Variants in PIEZO2 observed in about 807,000 individuals in gnomAD.
The protein encoded by PIEZO2 is piezo type mechanosensitive ion channel component 2.
In PIEZO2, 172 loss-of-function variants were observed where a neutral mutation model predicts 337.3. That is an observed-to-expected ratio of 0.51 (90% confidence interval 0.45 to 0.58). The LOEUF (loss-of-function observed/expected upper bound fraction) is 0.58. Ranked by LOEUF, PIEZO2 falls within the 20% of genes least tolerant of loss-of-function variation. The pLI, the probability that PIEZO2 is intolerant of heterozygous loss-of-function variation, is 0.00. For missense variants in PIEZO2, 3,028 were observed against 3,391.3 expected (o/e 0.89, Z 2.66); for synonymous variants, 1,251 against 1,228.5 (o/e 1.02, Z -0.38).
chr18:10,766,989 C>T lies in PIEZO2; in HGVS notation c.2946+3159G>A, dbSNP rs548224747. 1.9e-3 allele frequency among the ~76,000 whole-genome samples: 285 copies of T among 147,836 alleles called. No homozygotes were observed. The highest frequency in any genetic ancestry group is 6.8e-3 in the African/African-American group (274 of 40,300). Reference sequence around the variant, plus strand: ...CCTTCCTTCCTCCCACCTTCCATTCCCTCCCCTCCCCTCCCCTCCCCTTCC... The same window carrying T: ...CCTTCCTTCCTCCCACCTTCCATTCTCTCCCCTCCCCTCCCCTCCCCTTCC... On this transcript the variant is annotated intron_variant, in intron 21 of 55. Transcript: ENST00000674853. The surrounding 1 kb of genome is among the most constrained non-coding windows in gnomAD (Gnocchi z 6.1).
At chr18:10,865,335 T>A (rs1286900124) in intron 5 of PIEZO2, among the ~76,000 whole-genome samples, 1 of 152,200 alleles carries the variant, frequency 6.6e-6, no homozygotes, top group East Asian at 1.9e-4. Context: ...CAGCATCAAT[T>A]GGATAGGGTA....
chr18:11,090,798 A>G (rs948072420), intron 1 of PIEZO2, among the ~76,000 whole-genome samples: 4 of 150,900 alleles, frequency 2.7e-5, no homozygotes, highest in Admixed American at 6.6e-5. Context: ...TGTAGTCCTC[A>G]GCTACACGGG....
chr18:10,808,232 G>A (rs549555949), intron 7 of PIEZO2, among the ~76,000 whole-genome samples: 65 of 152,244 alleles, frequency 4.3e-4, no homozygotes, highest in African/African-American at 1.5e-3. Context: ...AGGAACACAA[G>A]GGTATGCCAC....
At chr18:10,728,082 TGAAAA>T (rs1272249352) in intron 36 of PIEZO2, 3 of 152,346 alleles carry the variant, frequency 2.0e-5, no homozygotes, top group Non-Finnish European at 4.4e-5. Flanking sequence ...ATCCTAGACT[TGAAAA>T]GAAAAAATCG....
intron 2 of PIEZO2, among the ~76,000 whole-genome samples, chr18:11,000,254 C>T (rs775609944): frequency 6.6e-6 from 1 of 152,192 alleles, no homozygotes; most frequent in Non-Finnish European, 1.5e-5. Flanking sequence ...CCCCACTGTG[C>T]CCCACCTCTA....
chr18:11,017,595 T>C (rs1024054265), intron 2 of PIEZO2, among the ~76,000 whole-genome samples: 10 of 151,998 alleles, frequency 6.6e-5, no homozygotes, highest in Admixed American at 5.9e-4. Context: ...TTCATACCCA[T>C]TTATTTTCTC....
At position 10,857,020 on chromosome 18, in the gene PIEZO2, G is replaced by A. The variant is rs1162077916; in HGVS notation, c.684C>T (p.Thr228=). The change falls in exon 6 of 56, where the codon ACC becomes ACT. Residue 228 remains threonine, a synonymous_variant. Transcript: ENST00000674853. The part of the protein sequence containing the change: ...MITTAGKVVV[T]ILLGSSGMML... ...ACTCACCCGAGGAGCCCAGTAAGAT[G>A]GTAACAACGACTTTCCCAGCAGTGG... 6.5e-7 allele frequency: 1 copy of A among 1,537,160 alleles called. No homozygotes were observed. Among genetic ancestry groups the A allele is most frequent in the African/African-American group, 1.4e-5 (1 of 73,046 alleles).
At position 11,107,183 on chromosome 18, in the gene PIEZO2, T is replaced by TATGC. The variant is rs148101103; in HGVS notation, c.65-40962_65-40961insGCAT. On this transcript the variant is annotated intron_variant, in intron 1 of 55. Transcript: ENST00000674853. ...CTATAGAAATGGTGCACATCGATATTATCCCGTAGGGTTGCTGTGAGGATT... is the reference window on the plus strand; with the variant it reads ...CTATAGAAATGGTGCACATCGATATTATGCATCCCGTAGGGTTGCTGTGAGGATT... Among the ~76,000 whole-genome samples, 1,216 of 152,294 alleles carry TATGC rather than the reference T, an allele frequency of 8.0e-3. 15 individuals carry two copies. The highest frequency in any genetic ancestry group is 0.027 in the African/African-American group (1,140 of 41,552).
chr18:11,121,168 C>G (rs1338194103), intron 1 of PIEZO2, among the ~76,000 whole-genome samples: 1 of 152,132 alleles, frequency 6.6e-6, no homozygotes, highest in African/African-American at 2.4e-5. Flanking sequence ...ATGAGAACTG[C>G]TTGAATCCAG....
intron 1 of PIEZO2, among the ~76,000 whole-genome samples, chr18:11,072,777 G>A (rs144736432): frequency 2.5e-3 from 387 of 152,248 alleles, no homozygotes; most frequent in African/African-American, 4.2e-3. Context: ...TGACCTCACC[G>A]CCGTACCACA....
chr18:10,790,437 C>T (rs765657873), intron 14 of PIEZO2, among the ~76,000 whole-genome samples: 41 of 152,194 alleles, frequency 2.7e-4, no homozygotes, highest in Non-Finnish European at 3.2e-4. Flanking sequence ...CATTTATTGG[C>T]ATACCTAGGG....
intron 2 of PIEZO2, among the ~76,000 whole-genome samples, chr18:11,042,204 T>A (rs1157915827): frequency 1.3e-5 from 2 of 152,152 alleles, no homozygotes; most frequent in Non-Finnish European, 2.9e-5. Flanking sequence ...GAAATCCGCC[T>A]GTAAAGATGA....
rs2145970521 is a variant in PIEZO2, at chr18:11,078,041, CA to C, written c.65-11820del. Among the ~76,000 whole-genome samples, 1 of 98,576 alleles carries C rather than the reference CA, an allele frequency of 1.0e-5. No individual in the cohort carries two copies. The highest frequency in any genetic ancestry group is 5.1e-5 in the African/African-American group (1 of 19,616). The allele number at this position is 98,576 out of a possible 152,430, so 64.7% of individuals were successfully genotyped here. A position where few individuals can be genotyped will look rare whatever the true frequency, so the allele number is the denominator to read the frequency against. On this transcript the variant is annotated intron_variant, in intron 1 of 55. Coordinates refer to ENST00000674853, the MANE Select transcript of PIEZO2 (RefSeq NM_001378183.1). The surrounding 1 kb of genome is among the most constrained non-coding windows in gnomAD (Gnocchi z 5.3). ...ACATGTGCGTGCACACACACCCACA[CA>C]CACCCACACACACACACACACACAC... is the stretch of plus-strand genomic sequence containing the variant.
chr18:10,746,636 T>A lies in PIEZO2; in HGVS notation c.4424+1835A>T, dbSNP rs1229001098. On this transcript the variant is annotated intron_variant, in intron 30 of 55. Transcript: ENST00000674853. This position sits in a 1 kb window ranked among gnomAD's most constrained non-coding sequence, Gnocchi z 4.2. ...GACTCCCAAGGTGACGGACAGGAGG[T>A]AAGGCCTTTTGGAGTAGATTGAGTG... Among the ~76,000 whole-genome samples the A allele has an allele frequency of 3.3e-5, 5 of 152,100 alleles. No homozygotes were observed. In the East Asian group the frequency reaches 9.6e-4, roughly 29 times the overall value.
chr18:10,724,378 A>C lies in PIEZO2; in HGVS notation c.5030-6119T>G, dbSNP rs1167679744. Among the ~76,000 whole-genome samples the C allele has an allele frequency of 1.3e-5, 2 of 152,120 alleles. No individual in the cohort carries two copies. The highest frequency in any genetic ancestry group is 1.3e-4 in the Admixed American group (2 of 15,278). The stretch of plus-strand genomic sequence containing the variant: ...TGTCTCAAAAAACAAAAACGAAAAC[A>C]AAAGTGCTTTCTCCTGGCCCAGCAT... On this transcript the variant is annotated intron_variant, in intron 36 of 55. Transcript: ENST00000674853. This position sits in a 1 kb window ranked among gnomAD's most constrained non-coding sequence, Gnocchi z 5.8.
chr18:10,767,794 G>A lies in PIEZO2; in HGVS notation c.2946+2354C>T, dbSNP rs557249645. The stretch of plus-strand genomic sequence containing the variant: ...TCTGGAAGGGCAGCAGGACTCCACA[G>A]AGGAGTCCAGGAGGAGAAGGTGCTG... On this transcript the variant is annotated intron_variant, in intron 21 of 55. Coordinates refer to ENST00000674853, the MANE Select transcript of PIEZO2 (RefSeq NM_001378183.1). This position sits in a 1 kb window ranked among gnomAD's most constrained non-coding sequence, Gnocchi z 4.2. Among the ~76,000 whole-genome samples, 6 of 152,342 alleles carry A rather than the reference G, an allele frequency of 3.9e-5. No homozygotes were observed. The highest frequency in any genetic ancestry group is 1.4e-4 in the African/African-American group (6 of 41,590).
intron 36 of PIEZO2, among the ~76,000 whole-genome samples, chr18:10,730,631 A>AAT (rs751662252): frequency 6.6e-6 from 1 of 152,106 alleles, no homozygotes; most frequent in Non-Finnish European, 1.5e-5. Flanking sequence ...TATAACGCTG[A>AAT]ATATATGTTC....
intron 3 of PIEZO2, among the ~76,000 whole-genome samples, chr18:10,971,956 C>A (rs901401833): frequency 1.3e-5 from 2 of 151,998 alleles, no homozygotes; most frequent in African/African-American, 2.4e-5. Context: ...ACCAGTAATA[C>A]GATAGTGAAA....
chr18:10,794,943 A>G lies in PIEZO2; in HGVS notation c.1587T>C (p.Thr529=), dbSNP rs988459454. 48 of 1,546,478 alleles carry G rather than the reference A, an allele frequency of 3.1e-5. No individual in the cohort carries two copies. The highest frequency in any genetic ancestry group is 9.8e-5 in the Admixed American group (5 of 50,974). ...TTCTTCTGTTGCGAATCATCCAAAG[A>G]GTGCACGACCAGATCAGCAGCACGA... ...LTFVLLIWSC[T]LWMIRNRRKY... is the part of the protein sequence containing the mutation. Residue 529 remains threonine (T), a synonymous_variant, in exon 13 of 56, where the codon ACT becomes ACC. Coordinates refer to ENST00000674853, the MANE Select transcript of PIEZO2 (RefSeq NM_001378183.1). This position sits in a 1 kb window ranked among gnomAD's most constrained non-coding sequence, Gnocchi z 6.6.
Sources: gnomAD v4.1 joint callset for allele counts (sites outside exome capture counted in the v4.1 genomes callset) on GRCh38, gnomAD v4.1.1 for gene constraint, Gnocchi (gnomAD v3.1) non-coding constraint, MANE v1.5 for transcripts, NCBI Gene and HGNC (gene_info 2026-07-23, HGNC 2026-07-21) for gene names.